ERBIN: variants seen among roughly 807,000 people sequenced by gnomAD.
ERBIN encodes the protein densin-180-like protein.
In ERBIN, 60 loss-of-function variants were observed where a neutral mutation model predicts 158.4. That is an observed-to-expected ratio of 0.38 (90% CI 0.31 to 0.47). ERBIN has a LOEUF of 0.47. Ranked by LOEUF, ERBIN falls within the 20% of genes least tolerant of loss-of-function variation. The pLI, the probability that ERBIN is intolerant of heterozygous loss-of-function variation, is 0.99. For synonymous variants in ERBIN, 594 were observed against 557.2 expected, an observed-to-expected ratio of 1.07 and a Z score of -0.93; for missense variants, 1,610 against 1,648.0, an observed-to-expected ratio of 0.98 and a Z score of 0.40.
At chr5:66,058,220 T>C (rs1444118629) in intron 21 of ERBIN, among the ~76,000 whole-genome samples, 7 of 151,700 alleles carry the variant, frequency 4.6e-5, no homozygotes, top group Non-Finnish European at 7.4e-5. Flanking sequence ...TTTTAATGAT[T>C]GCCATTCTAA....
chr5:65,976,155 G>C (rs1749828527), intron 1 of ERBIN, among the ~76,000 whole-genome samples: 1 of 152,156 alleles, frequency 6.6e-6, no homozygotes, highest in Admixed American at 6.5e-5. Context: ...CGTATCTTAT[G>C]GGGAAGAGTT....
rs551754249 is a variant in ERBIN at position 65,994,732 on chromosome 5, C to T, written c.190-15C>T. The T allele has an allele frequency of 7.8e-6, 11 of 1,415,720 alleles. No individual in the cohort carries two copies. Among genetic ancestry groups the T allele is most frequent in the South Asian group, 6.2e-5 (5 of 81,220 alleles). 87.7% of individuals were successfully genotyped at this position (1,415,720 alleles called of 1,614,324 possible). On this transcript the variant is annotated splice_polypyrimidine_tract_variant and intron_variant, in intron 3 of 25. Coordinates refer to ENST00000284037, the MANE Select transcript of ERBIN (RefSeq NM_001253697.2). ...ATGTATATAATTGACATTCTTTCCTCCCTTTTTTCAATAGCAACTTTTTAA... is the reference window on the plus strand; with the variant it reads ...ATGTATATAATTGACATTCTTTCCTTCCTTTTTTCAATAGCAACTTTTTAA...
chr5:66,031,371 C>T (rs1242652904), intron 14 of ERBIN, among the ~76,000 whole-genome samples: 1 of 152,104 alleles, frequency 6.6e-6, no homozygotes, highest in Non-Finnish European at 1.5e-5. Flanking sequence ...TGCTTTGTGC[C>T]AGGCAATTTA....
rs1762386676 is a variant in ERBIN, at chr5:66,081,585, G to A, written c.*3055G>A. 4 of 152,036 alleles carry A rather than the reference G, an allele frequency of 2.6e-5. No homozygotes were observed. The highest frequency in any genetic ancestry group is 1.3e-4 in the Admixed American group (2 of 15,272). The allele number at this position is 152,036 out of a possible 1,614,324, so 9.4% of individuals were successfully genotyped here. ...GGTTTATTTACAAAATTCGGGGTTA[G>A]AGAAATTCTCATGAAAAATATACAA... is the stretch of plus-strand genomic sequence containing the variant. On this transcript the variant is annotated 3_prime_UTR_variant, in exon 26 of 26. Transcript: ENST00000284037.
At chr5:65,977,900 A>T (rs1236122723) in intron 1 of ERBIN, among the ~76,000 whole-genome samples, 1 of 149,366 alleles carries the variant, frequency 6.7e-6, no homozygotes, top group Non-Finnish European at 1.5e-5. Context: ...TCCGTCTGCA[A>T]TCCCGGCACC....
At chr5:66,065,641 G>A (rs1249078196) in intron 21 of ERBIN, among the ~76,000 whole-genome samples, 3 of 94,950 alleles carry the variant, frequency 3.2e-5, no homozygotes, top group African/African-American at 1.6e-4. Context: ...GTGTGTGTGT[G>A]TGTGTGTGTG....
chr5:65,995,819 T>C (rs1752374358), intron 4 of ERBIN, among the ~76,000 whole-genome samples: 2 of 152,226 alleles, frequency 1.3e-5, no homozygotes, highest in South Asian at 2.1e-4. Flanking sequence ...AGGTGTGAGG[T>C]TGTATCTCAC....
At chr5:65,957,905 C>T (rs1276235158) in intron 1 of ERBIN, among the ~76,000 whole-genome samples, 23 of 149,606 alleles carry the variant, frequency 1.5e-4, no homozygotes, top group African/African-American at 2.5e-4. Flanking sequence ...TCAGCCGGGG[C>T]GGCTGCCGGG....
intron 1 of ERBIN, among the ~76,000 whole-genome samples, chr5:65,975,788 G>A (rs1212243140): frequency 6.6e-6 from 1 of 152,224 alleles, no homozygotes; most frequent in Non-Finnish European, 1.5e-5. Flanking sequence ...GCTGTAGAGA[G>A]AGATGTGGTT....
At chr5:65,945,063 A>G (rs1745576135) in intron 1 of ERBIN, among the ~76,000 whole-genome samples, 1 of 152,270 alleles carries the variant, frequency 6.6e-6, no homozygotes, top group African/African-American at 2.4e-5. Context: ...AAAAATAAAA[A>G]TACCTCTTAG....
chr5:66,039,303 C>T (rs918558871), intron 15 of ERBIN, among the ~76,000 whole-genome samples: 3 of 151,800 alleles, frequency 2.0e-5, no homozygotes, highest in African/African-American at 7.3e-5. Flanking sequence ...CACATTCATT[C>T]ACTACAAAAC....
chr5:66,054,698 T>C lies in ERBIN; in HGVS notation c.3380T>C (p.Leu1127Pro), dbSNP rs200750946. The change falls in exon 21 of 26, where the codon CTT (leucine) becomes CCT (proline). Residue 1127 changes from leucine (L) to proline (P), a missense_variant. Physicochemically the swap from Leu to Pro is moderately conservative, Grantham distance 98. Coordinates refer to ENST00000284037, the MANE Select transcript of ERBIN (RefSeq NM_001253697.2). ...PPMMPGSQRP[L>P]SARTYSIDGP... ...ATGATGCCAGGATCACAGAGACCCC[T>C]TTCTGCACGAACATACAGCATAGAT... The C allele has an allele frequency of 2.5e-6, 4 of 1,614,132 alleles. No homozygotes were observed. In the Admixed American group the frequency reaches 6.7e-5, roughly 27 times the overall value.
At chr5:65,961,383 T>A (rs908191122) in intron 1 of ERBIN, 1 of 152,214 alleles carries the variant, frequency 6.6e-6, no homozygotes, top group Non-Finnish European at 1.5e-5. Flanking sequence ...CCCATCAGAG[T>A]TAATATTTGT....
At chr5:66,058,193 C>G (rs1161630821) in intron 21 of ERBIN, among the ~76,000 whole-genome samples, 2 of 151,676 alleles carry the variant, frequency 1.3e-5, no homozygotes, top group Non-Finnish European at 2.9e-5. Flanking sequence ...CTCTCCAGCA[C>G]CTGTTGTTTC....
intron 1 of ERBIN, among the ~76,000 whole-genome samples, chr5:65,970,460 C>A (rs1174769080): frequency 2.0e-5 from 3 of 151,054 alleles, no homozygotes; most frequent in African/African-American, 7.4e-5. Flanking sequence ...TGTCTGCTGG[C>A]AACACTAACT....
chr5:66,081,521 C>G lies in ERBIN; in HGVS notation c.*2991C>G, dbSNP rs1762384440. The G allele has an allele frequency of 6.6e-6, 1 of 151,966 alleles. No homozygotes were observed. Among genetic ancestry groups the G allele is most frequent in the Non-Finnish European group, 1.5e-5 (1 of 67,938 alleles). The allele number at this position is 151,966 out of a possible 1,614,324, so 9.4% of individuals were successfully genotyped here. A position where few individuals can be genotyped will look rare whatever the true frequency, so the allele number is the denominator to read the frequency against. On this transcript the variant is annotated 3_prime_UTR_variant, in exon 26 of 26. Coordinates refer to ENST00000284037, the MANE Select transcript of ERBIN (RefSeq NM_001253697.2). The stretch of plus-strand genomic sequence containing the variant: ...TTTTGTATATATCTAGATGAAGTAA[C>G]ACATAGAGGATAGATAACAAACTAA...
rs775760525 is a variant in ERBIN at position 66,046,510 on chromosome 5, A to G, written c.1760A>G (p.His587Arg). The change falls in exon 18 of 26, where the codon CAT becomes CGT. Residue 587 changes from histidine to arginine, a missense_variant. Around this residue, in one of 2 missense-constraint regions of ERBIN, gnomAD observed 596 missense variants for 711.9 expected, o/e 0.84. Transcript: ENST00000284037. ...ATGAAAGCCTCTGAGAACTTGAAGC[A>G]TATTGTTAACCATGATGATGTTTTT... Reference protein sequence around the residue: ...ANMKASENLKHIVNHDDVFEE... With the variant: ...ANMKASENLKRIVNHDDVFEE... The G allele has an allele frequency of 1.0e-4, 159 of 1,597,960 alleles. No homozygotes were observed. Among genetic ancestry groups the G allele is most frequent in the Non-Finnish European group, 1.2e-4 (145 of 1,172,410 alleles).
rs549968243 is a variant in ERBIN, at chr5:66,059,383, A to T, written c.3633+4432A>T. ...GGATGCTTGTGATTTTTACACATTG[A>T]TTTTATATCCTGAGACTTTGCTGAA... On this transcript the variant is annotated intron_variant, in intron 21 of 25. Coordinates refer to ENST00000284037, the MANE Select transcript of ERBIN (RefSeq NM_001253697.2). 1.8e-4 allele frequency among the ~76,000 whole-genome samples: 27 copies of T among 152,256 alleles called. No homozygotes were observed. The East Asian group carries it at 4.8e-3, about 27-fold the overall frequency.
At position 66,046,471 on chromosome 5, in the gene ERBIN, C is replaced by T. The variant is rs144487457; in HGVS notation, c.1721C>T (p.Pro574Leu). 162 of 1,611,308 alleles carry T rather than the reference C, an allele frequency of 1.0e-4. No individual in the cohort carries two copies. Among genetic ancestry groups the T allele is most frequent in the Non-Finnish European group, 1.3e-4 (157 of 1,178,438 alleles). The change falls in exon 18 of 26, where the codon CCA becomes CTA. Residue 574 changes from proline to leucine, a missense_variant. By Grantham distance (98) the Pro-to-Leu change is moderately conservative (BLOSUM62 -3). Around this residue, in one of 2 missense-constraint regions of ERBIN, gnomAD observed 596 missense variants for 711.9 expected, o/e 0.84. Transcript: ENST00000284037. ...PEAEISPGSL[P>L]VTANMKASEN... is the part of the protein sequence containing the mutation. ...GCTGAGATTAGTCCTGGGAGTTTAC[C>T]AGTGACTGCAAATATGAAAGCCTCT...
Sources: allele counts gnomAD v4.1 joint callset (sites outside exome capture counted in the v4.1 genomes callset), GRCh38; gene constraint gnomAD v4.1.1; regional missense constraint gnomAD v4.1.1; transcripts MANE v1.5; gene names NCBI Gene and HGNC (gene_info 2026-07-23, HGNC 2026-07-21).